The following ZNF704 variants were observed in gnomAD, a reference collection of about 807,000 sequenced individuals.
The protein encoded by ZNF704 is zinc finger protein 704, also known as glucocorticoid induced gene 1.
Under a neutral mutation model 44.7 loss-of-function variants are expected in ZNF704, and 10 were observed. That is an observed-to-expected ratio of 0.22 (90% CI 0.14 to 0.38). The LOEUF is 0.38. Among genes scored for constraint, ZNF704 ranks in the 10% least tolerant of loss-of-function variants. The probability of loss-of-function intolerance (pLI) is 1.00; values close to 1 mark genes in which losing one functional copy is unlikely to be tolerated. For missense variants in ZNF704, 390 were observed against 545.5 expected (o/e 0.71, Z 2.84); for synonymous variants, 211 against 207.6 (o/e 1.02, Z -0.14).
At chr8:80,736,739 T>C (rs1806673156) in intron 2 of ZNF704, among the ~76,000 whole-genome samples, 1 of 152,062 alleles carries the variant, frequency 6.6e-6, no homozygotes, top group Non-Finnish European at 1.5e-5. Flanking sequence ...ACATATTGGG[T>C]ATAGTGTACA....
intron 2 of ZNF704, among the ~76,000 whole-genome samples, chr8:80,810,129 T>C (rs1808058798): frequency 6.6e-6 from 1 of 152,232 alleles, no homozygotes; most frequent in Non-Finnish European, 1.5e-5. Context: ...GTGTCAACAC[T>C]TGTATACACT....
At chr8:80,810,491 A>C (rs1162764518) in intron 2 of ZNF704, among the ~76,000 whole-genome samples, 3 of 152,236 alleles carry the variant, frequency 2.0e-5, no homozygotes, top group Non-Finnish European at 2.9e-5. Context: ...CAATATTAAA[A>C]AAGTATGAAC....
rs988609812 is a variant in ZNF704 at position 80,636,421 on chromosome 8, C to T, written c.*4945G>A. 2.0e-5 allele frequency: 3 copies of T among 152,118 alleles called. No homozygotes were observed. The highest frequency in any genetic ancestry group is 2.9e-5 in the Non-Finnish European group (2 of 68,032). The allele number at this position is 152,118 out of a possible 1,614,324, so 9.4% of individuals were successfully genotyped here. The stretch of plus-strand genomic sequence containing the variant: ...TTCAAAGTCAGTCATAATAAGCAAA[C>T]CAGTTGGTCTTAAATACATTTTATA... On this transcript the variant is annotated 3_prime_UTR_variant, in exon 9 of 9. Coordinates refer to ENST00000327835, the MANE Select transcript of ZNF704 (RefSeq NM_001033723.3).
intron 2 of ZNF704, among the ~76,000 whole-genome samples, chr8:80,761,876 C>T (rs1165165580): frequency 1.3e-5 from 2 of 152,174 alleles, no homozygotes; most frequent in African/African-American, 4.8e-5. Context: ...ATCTGAAATA[C>T]CTTGATAGAT....
At chr8:80,858,243 G>C (rs1016271201) in intron 1 of ZNF704, among the ~76,000 whole-genome samples, 4 of 152,068 alleles carry the variant, frequency 2.6e-5, no homozygotes, top group African/African-American at 9.7e-5. Context: ...TTTCTCTACT[G>C]TTTGTCTTTT....
chr8:80,656,961 G>A (rs1441193079), intron 7 of ZNF704, among the ~76,000 whole-genome samples: 2 of 152,108 alleles, frequency 1.3e-5, no homozygotes, highest in East Asian at 3.9e-4. Flanking sequence ...AACTTTTAGA[G>A]CTTTGGTCTG....
chr8:80,869,600 C>G lies in ZNF704; in HGVS notation c.-22+4971G>C, dbSNP rs576786086. Among the ~76,000 whole-genome samples, 6 of 152,344 alleles carry G rather than the reference C, an allele frequency of 3.9e-5. 1 individual carries two copies. The highest frequency in any genetic ancestry group is 1.4e-4 in the African/African-American group (6 of 41,576). On this transcript the variant is annotated intron_variant, in intron 1 of 8. Transcript: ENST00000327835. Reference sequence around the variant, plus strand: ...TTCCCTCCCTAAGGCTTTCCAAGGACTTTCCTCCTGTAGTTTTTTCTTTTC... The same window carrying G: ...TTCCCTCCCTAAGGCTTTCCAAGGAGTTTCCTCCTGTAGTTTTTTCTTTTC...
chr8:80,804,942 C>T (rs555595010), intron 2 of ZNF704, among the ~76,000 whole-genome samples: 2 of 152,228 alleles, frequency 1.3e-5, no homozygotes, highest in East Asian at 1.9e-4. Context: ...CTGTGGTATA[C>T]TACTTGATTT....
intron 2 of ZNF704, among the ~76,000 whole-genome samples, chr8:80,713,125 G>A (rs983931455): frequency 6.6e-6 from 1 of 152,052 alleles, no homozygotes; most frequent in Non-Finnish European, 1.5e-5. Flanking sequence ...TCCAACTCCT[G>A]ATCTCAGGTG....
rs959408858 is a variant in ZNF704 at position 80,637,224 on chromosome 8, T to C, written c.*4142A>G. On this transcript the variant is annotated 3_prime_UTR_variant, in exon 9 of 9. Coordinates refer to ENST00000327835, the MANE Select transcript of ZNF704 (RefSeq NM_001033723.3). Reference sequence around the variant, plus strand: ...ATACCATGTTCATTTGAAAAAAAAATTGTTCTGACTATAAAAGACTTTAGT... The same window carrying C: ...ATACCATGTTCATTTGAAAAAAAAACTGTTCTGACTATAAAAGACTTTAGT... The C allele has an allele frequency of 3.9e-5, 6 of 152,152 alleles. No homozygotes were observed. Among genetic ancestry groups the C allele is most frequent in the African/African-American group, 1.4e-4 (6 of 41,410 alleles). The allele number at this position is 152,152 out of a possible 1,614,324, so 9.4% of individuals were successfully genotyped here.
At chr8:80,721,923 T>C (rs564249496) in intron 2 of ZNF704, among the ~76,000 whole-genome samples, 1 of 152,300 alleles carries the variant, frequency 6.6e-6, no homozygotes, top group South Asian at 2.1e-4. Flanking sequence ...GCTTACTTAT[T>C]AAGAACATAG....
intron 2 of ZNF704, among the ~76,000 whole-genome samples, chr8:80,738,705 G>A (rs1806706774): frequency 6.6e-6 from 1 of 152,042 alleles, no homozygotes; most frequent in Non-Finnish European, 1.5e-5. Flanking sequence ...CTTACTTGAT[G>A]GTATCTTGTT....
chr8:80,697,424 C>T (rs974452854), intron 2 of ZNF704, among the ~76,000 whole-genome samples: 22 of 152,170 alleles, frequency 1.4e-4, no homozygotes, highest in African/African-American at 5.1e-4. Flanking sequence ...TTAAGAGGGA[C>T]ACTGCCCCTC....
intron 2 of ZNF704, among the ~76,000 whole-genome samples, chr8:80,699,546 G>A (rs1818777006): frequency 6.6e-6 from 1 of 152,134 alleles, no homozygotes; most frequent in South Asian, 2.1e-4. Flanking sequence ...GCCATCTGTG[G>A]TGAAGGGTCA....
At chr8:80,827,348 G>A (rs1385027137) in intron 1 of ZNF704, among the ~76,000 whole-genome samples, 1 of 152,098 alleles carries the variant, frequency 6.6e-6, no homozygotes, top group Non-Finnish European at 1.5e-5. Context: ...AAAATATCTA[G>A]GAATCCAACT....
chr8:80,775,552 C>T lies in ZNF704; in HGVS notation c.221+45822G>A, dbSNP rs184996978. Among the ~76,000 whole-genome samples the T allele has an allele frequency of 5.1e-4, 77 of 152,284 alleles. 1 individual carries two copies. Among genetic ancestry groups the T allele is most frequent in the Middle Eastern group, 3.4e-3 (1 of 294 alleles). On this transcript the variant is annotated intron_variant, in intron 2 of 8. Coordinates refer to ENST00000327835, the MANE Select transcript of ZNF704 (RefSeq NM_001033723.3). ...CTTGTAGACCTGTACTGACTATATA[C>T]TCAGATAAGGCCAAACCTAAGGTAG...
At chr8:80,715,935 T>A (rs1213985127) in intron 2 of ZNF704, among the ~76,000 whole-genome samples, 1 of 151,884 alleles carries the variant, frequency 6.6e-6, no homozygotes, top group East Asian at 1.9e-4. Flanking sequence ...CAAAAATTAG[T>A]TGGGCATGGT....
chr8:80,653,365 G>C (rs1817955365), intron 7 of ZNF704, among the ~76,000 whole-genome samples: 2 of 152,178 alleles, frequency 1.3e-5, no homozygotes, highest in South Asian at 4.1e-4. Context: ...ATTAGGAAAA[G>C]AGGAAGTCAA....
Sources: allele counts gnomAD v4.1 joint callset (sites outside exome capture counted in the v4.1 genomes callset), GRCh38; gene constraint gnomAD v4.1.1; transcripts MANE v1.5; gene names NCBI Gene and HGNC (gene_info 2026-07-23, HGNC 2026-07-21).